Variants in FLT1 observed in about 807,000 individuals in gnomAD.
FLT1 encodes fms related receptor tyrosine kinase 1.
Under a neutral mutation model 156.3 loss-of-function variants are expected in FLT1, and 49 were observed. The ratio of observed to expected loss-of-function variants is 0.31; its 90% CI spans 0.25 to 0.40. FLT1 has a LOEUF of 0.40. FLT1 is among the 10% of genes least tolerant of loss of function. The pLI is 1.00. For synonymous variants in FLT1, 594 were observed against 583.8 expected (o/e 1.02, Z -0.25); for missense variants, 1,322 against 1,637.2 (o/e 0.81, Z 3.32).
At chr13:28,340,214 T>TAAAAA (rs58243230) in intron 16 of FLT1, among the ~76,000 whole-genome samples, 2 of 134,956 alleles carry the variant, frequency 1.5e-5, no homozygotes, top group African/African-American at 5.4e-5. Context: ...GACTCTGTCT[T>TAAAAA]AAAAAAAAAA....
intron 25 of FLT1, among the ~76,000 whole-genome samples, chr13:28,314,410 TA>T (rs556950095): frequency 6.2e-4 from 94 of 151,624 alleles, no homozygotes; most frequent in Non-Finnish European, 9.6e-4. Flanking sequence ...AAAAAAAAAA[TA>T]AAAAAATTCA....
chr13:28,352,993 A>G (rs949518797), intron 15 of FLT1, among the ~76,000 whole-genome samples: 1 of 152,092 alleles, frequency 6.6e-6, no homozygotes, highest in Non-Finnish European at 1.5e-5. Context: ...TCTGTTATTG[A>G]CTTCTGGGAT....
chr13:28,462,714 G>C (rs1012869582), intron 3 of FLT1, among the ~76,000 whole-genome samples: 4 of 152,072 alleles, frequency 2.6e-5, no homozygotes, highest in Non-Finnish European at 4.4e-5. Context: ...CCAGGATTCT[G>C]AGTGTCACAT....
intron 18 of FLT1, 83 bp downstream of exon 18, chr13:28,333,942 C>T: frequency 1.1e-6 from 1 of 896,178 alleles, no homozygotes; most frequent in East Asian, 2.4e-5. Flanking sequence ...TGTCTGTTCC[C>T]AGGCTATATC....
At chr13:28,493,466 T>C (rs1254156571) in intron 1 of FLT1, among the ~76,000 whole-genome samples, 1 of 152,264 alleles carries the variant, frequency 6.6e-6, no homozygotes, top group Non-Finnish European at 1.5e-5. Flanking sequence ...TAGTTAGTCT[T>C]CCCACTGAGA....
chr13:28,322,174 A>G lies in FLT1; in HGVS notation c.3051+88T>C, dbSNP rs1871487695. ...TTGTTCTACATTTAAGAACATAGGT[A>G]TCAGCAAATACTAGGAAAAATGAAT... On this transcript the variant is annotated intron_variant, in intron 22 of 29. Transcript: ENST00000282397. This position sits in a 1 kb window ranked among gnomAD's most constrained non-coding sequence, Gnocchi z 4.3. 2.3e-6 allele frequency: 2 copies of G among 857,896 alleles called. No individual in the cohort carries two copies. Among genetic ancestry groups the G allele is most frequent in the Admixed American group, 1.7e-5 (1 of 58,422 alleles). 53.1% of individuals were successfully genotyped at this position (857,896 alleles called of 1,614,324 possible). A position where few individuals can be genotyped will look rare whatever the true frequency, so the allele number is the denominator to read the frequency against.
intron 14 of FLT1, among the ~76,000 whole-genome samples, chr13:28,382,236 C>G (rs1874110311): frequency 6.6e-6 from 1 of 152,144 alleles, no homozygotes; most frequent in Non-Finnish European, 1.5e-5. Flanking sequence ...AACACCCAAT[C>G]TGGGTCTTAA....
chr13:28,312,193 A>G lies in FLT1; in HGVS notation c.3387-95T>C, dbSNP rs984443042. 8.9e-5 allele frequency: 73 copies of G among 819,362 alleles called. No individual in the cohort carries two copies. The East Asian group carries it at 9.0e-4, about 10-fold the overall frequency. 50.8% of individuals were successfully genotyped at this position (819,362 alleles called of 1,614,324 possible). On this transcript the variant is annotated intron_variant, in intron 25 of 29. Transcript: ENST00000282397. ...CAAAGGGAGGGCTGTCATCATCCGCATAAAGCCCAAGCTTTCTGTACTATG... is the reference window on the plus strand; with the variant it reads ...CAAAGGGAGGGCTGTCATCATCCGCGTAAAGCCCAAGCTTTCTGTACTATG...
chr13:28,423,626 G>A (rs1282302834), intron 10 of FLT1, among the ~76,000 whole-genome samples: 1 of 152,200 alleles, frequency 6.6e-6, no homozygotes, highest in South Asian at 2.1e-4. Context: ...AATCTGTGGT[G>A]CTCTGTAACT....
rs1348787932 is a variant in FLT1, at chr13:28,363,459, T to C, written c.2117-5774A>G. 5.9e-5 allele frequency among the ~76,000 whole-genome samples: 9 copies of C among 152,342 alleles called. No homozygotes were observed. The East Asian group carries it at 1.7e-3, about 29-fold the overall frequency. On this transcript the variant is annotated intron_variant, in intron 14 of 29. Transcript: ENST00000282397. Reference sequence around the variant, plus strand: ...CTACATAGTACATGTTTTTGTACTTTTTCCACATGCATGTTTTTGTACTTT... The same window carrying C: ...CTACATAGTACATGTTTTTGTACTTCTTCCACATGCATGTTTTTGTACTTT...
intron 1 of FLT1, among the ~76,000 whole-genome samples, chr13:28,478,640 G>A (rs946123415): frequency 8.5e-5 from 13 of 152,112 alleles, no homozygotes; most frequent in African/African-American, 2.9e-4. Flanking sequence ...AGTTCCTTCT[G>A]GAAAAAAATG....
chr13:28,401,415 A>C (rs1875427434), intron 11 of FLT1, among the ~76,000 whole-genome samples: 1 of 152,196 alleles, frequency 6.6e-6, no homozygotes. Flanking sequence ...ATCAGCAAGT[A>C]CTGTAAGTTT....
intron 11 of FLT1, among the ~76,000 whole-genome samples, chr13:28,401,713 G>C (rs1875448494): frequency 6.6e-6 from 1 of 152,154 alleles, no homozygotes; most frequent in Admixed American, 6.5e-5. Context: ...CAACTGATGG[G>C]AAAACAGAAC....
chr13:28,365,738 C>T (rs972336949), intron 14 of FLT1, among the ~76,000 whole-genome samples: 3 of 152,188 alleles, frequency 2.0e-5, no homozygotes, highest in African/African-American at 7.2e-5. Flanking sequence ...AAAGGATAGC[C>T]TAAGTCATTA....
chr13:28,414,637 G>T (rs960870693), intron 10 of FLT1, among the ~76,000 whole-genome samples: 1 of 152,152 alleles, frequency 6.6e-6, no homozygotes, highest in Non-Finnish European at 1.5e-5. Flanking sequence ...AGCTACTTAC[G>T]TATGGACAGG....
intron 4 of FLT1, among the ~76,000 whole-genome samples, chr13:28,434,845 T>C (rs1009126213): frequency 2.6e-5 from 4 of 152,186 alleles, no homozygotes; most frequent in African/African-American, 9.7e-5. Context: ...ATCACACCAC[T>C]GCACTCCAGC....
chr13:28,372,076 A>ATATTTTTT (rs1257431752), intron 14 of FLT1, among the ~76,000 whole-genome samples: 19 of 11,758 alleles, frequency 1.6e-3, no homozygotes, highest in East Asian at 2.7e-3. Context: ...ATATATATAT[A>ATATTTTTT]TTTTTTTTTT....
At chr13:28,453,161 T>C (rs1388200214) in intron 3 of FLT1, among the ~76,000 whole-genome samples, 1 of 147,048 alleles carries the variant, frequency 6.8e-6, no homozygotes, top group East Asian at 2.0e-4. Flanking sequence ...TTCACTCTTG[T>C]TGCCCAGGCT....
chr13:28,454,699 A>G (rs1879164820), intron 3 of FLT1, among the ~76,000 whole-genome samples: 1 of 152,224 alleles, frequency 6.6e-6, no homozygotes, highest in African/African-American at 2.4e-5. Context: ...TGGAAAAGAA[A>G]AAATAAAATT....
Sources: allele counts gnomAD v4.1 joint callset (sites outside exome capture counted in the v4.1 genomes callset), GRCh38; gene constraint gnomAD v4.1.1; non-coding constraint Gnocchi (gnomAD v3.1); transcripts MANE v1.5; gene names NCBI Gene and HGNC (gene_info 2026-07-23, HGNC 2026-07-21).